MACROD2: variants seen among roughly 807,000 people sequenced by gnomAD.
The protein encoded by MACROD2 is mono-ADP ribosylhydrolase 2.
MACROD2 carries 36 observed loss-of-function variants against 70.4 expected under a neutral mutation model. The ratio of observed to expected loss-of-function variants is 0.51; its 90% CI spans 0.39 to 0.68. MACROD2 has a LOEUF of 0.68. MACROD2 is among the 30% of genes least tolerant of loss of function. The pLI, the probability that MACROD2 is intolerant of heterozygous loss-of-function variation, is 0.00. For missense variants in MACROD2, 496 were observed against 538.4 expected (o/e 0.92, Z 0.78); for synonymous variants, 172 against 178.8 (o/e 0.96, Z 0.30).
rs1172389722 is a variant in MACROD2 at position 15,137,314 on chromosome 20, G to A, written c.419-92626G>A. 2.0e-5 allele frequency among the ~76,000 whole-genome samples: 3 copies of A among 152,056 alleles called. No individual in the cohort carries two copies. The South Asian group carries it at 6.2e-4, about 32-fold the overall frequency. ...GCAAAGACTTGGAACCAACCCAGAT[G>A]TCCAACAATGATAGACTGCATTAAG... On this transcript the variant is annotated intron_variant, in intron 5 of 17. Coordinates refer to ENST00000684519, the MANE Select transcript of MACROD2 (RefSeq NM_001351661.2).
chr20:15,124,366 A>G (rs1205819430), intron 5 of MACROD2, among the ~76,000 whole-genome samples: 1 of 125,220 alleles, frequency 8.0e-6, no homozygotes, highest in Admixed American at 7.7e-5. Flanking sequence ...TTTTTTTTCT[A>G]AAAAAAAGGC....
intron 8 of MACROD2, among the ~76,000 whole-genome samples, chr20:15,769,438 C>A (rs1290295365): frequency 1.3e-5 from 2 of 152,188 alleles, no homozygotes. Context: ...TGAGCCACCA[C>A]GCCCCACCTA....
chr20:14,772,177 C>G (rs943091607), intron 5 of MACROD2, among the ~76,000 whole-genome samples: 2 of 152,070 alleles, frequency 1.3e-5, no homozygotes, highest in Admixed American at 1.3e-4. Flanking sequence ...TTTTCCCCCT[C>G]TACCATTTTT....
intron 15 of MACROD2, among the ~76,000 whole-genome samples, chr20:16,004,911 T>C (rs935055822): frequency 1.3e-5 from 2 of 152,158 alleles, no homozygotes; most frequent in Admixed American, 6.5e-5. Flanking sequence ...TTAAACAGAT[T>C]ATATAAAAAG....
At chr20:14,268,109 A>G (rs972373230) in intron 3 of MACROD2, among the ~76,000 whole-genome samples, 3 of 152,106 alleles carry the variant, frequency 2.0e-5, no homozygotes, top group African/African-American at 7.2e-5. Context: ...AAGATTGCAT[A>G]AGATTTGTCC....
At position 15,348,162 on chromosome 20, in the gene MACROD2, A is replaced by G. The variant is rs894988137; in HGVS notation, c.541-83243A>G. Among the ~76,000 whole-genome samples the G allele has an allele frequency of 3.9e-5, 6 of 152,198 alleles. No homozygotes were observed. The South Asian group carries it at 1.2e-3, about 32-fold the overall frequency. On this transcript the variant is annotated intron_variant, in intron 6 of 17. Transcript: ENST00000684519. ...CCATGAGAACCTGACTCCATGGTCC[A>G]CCATGCTTCTCCTCTCCTATTAGGC...
intron 4 of MACROD2, among the ~76,000 whole-genome samples, chr20:14,563,754 T>A (rs1979595779): frequency 6.6e-6 from 1 of 151,974 alleles, no homozygotes; most frequent in African/African-American, 2.4e-5. Flanking sequence ...AGCTATATAG[T>A]GCAGTATCAC....
At chr20:15,329,312 T>G (rs543405754) in intron 6 of MACROD2, among the ~76,000 whole-genome samples, 36 of 152,234 alleles carry the variant, frequency 2.4e-4, no homozygotes, top group Non-Finnish European at 4.7e-4. Flanking sequence ...GAGAGTGGTG[T>G]ATCTGTAGGT....
At chr20:14,955,339 T>C (rs2074526820) in intron 5 of MACROD2, among the ~76,000 whole-genome samples, 1 of 145,746 alleles carries the variant, frequency 6.9e-6, no homozygotes, top group Admixed American at 7.1e-5. Flanking sequence ...ATATACTATA[T>C]AATTTTTATT....
At chr20:15,926,035 A>G (rs1297904091) in intron 10 of MACROD2, among the ~76,000 whole-genome samples, 2 of 152,206 alleles carry the variant, frequency 1.3e-5, no homozygotes, top group African/African-American at 4.8e-5. Flanking sequence ...CCACCTTCCC[A>G]GAAGGCTGTA....
chr20:14,404,149 G>C (rs2083667404), intron 3 of MACROD2, among the ~76,000 whole-genome samples: 2 of 152,060 alleles, frequency 1.3e-5, no homozygotes, highest in Non-Finnish European at 2.9e-5. Flanking sequence ...GAGAAAGATA[G>C]AGACACAACA....
At chr20:14,098,347 G>T (rs1455464060) in intron 3 of MACROD2, among the ~76,000 whole-genome samples, 3 of 152,120 alleles carry the variant, frequency 2.0e-5, no homozygotes, top group Non-Finnish European at 4.4e-5. Context: ...TAAAAGCCAA[G>T]TTTTTATGAC....
chr20:14,468,539 G>A lies in MACROD2; in HGVS notation c.272-24940G>A, dbSNP rs549579109. Among the ~76,000 whole-genome samples, 98 of 148,920 alleles carry A rather than the reference G, an allele frequency of 6.6e-4. 1 individual carries two copies. Among genetic ancestry groups the A allele is most frequent in the Admixed American group, 1.5e-3 (22 of 14,938 alleles). On this transcript the variant is annotated intron_variant, in intron 3 of 17. Transcript: ENST00000684519. ...TTTGGGGGGGGGCGTTGGGGGCACC[G>A]TCTCACTCTGTCACCGAGGCTGGAG...
intron 3 of MACROD2, among the ~76,000 whole-genome samples, chr20:14,414,732 A>G (rs2083785323): frequency 6.6e-6 from 1 of 152,050 alleles, no homozygotes; most frequent in Admixed American, 6.6e-5. Flanking sequence ...CAAACAACAC[A>G]CAAGCCTCGA....
At chr20:15,400,780 CTATCAAACCATG>C (rs2045918083) in intron 6 of MACROD2, among the ~76,000 whole-genome samples, 1 of 152,180 alleles carries the variant, frequency 6.6e-6, no homozygotes, top group African/African-American at 2.4e-5. Flanking sequence ...TGAGCATGCC[CTATCAAACCATG>C]AGAGCTTTGG....
intron 5 of MACROD2, among the ~76,000 whole-genome samples, chr20:15,213,368 A>G (rs1469696514): frequency 6.6e-6 from 1 of 152,122 alleles, no homozygotes; most frequent in African/African-American, 2.4e-5. Context: ...ATTACTCAGT[A>G]TAAATAATCA....
intron 6 of MACROD2, among the ~76,000 whole-genome samples, chr20:15,258,627 C>A (rs1225751722): frequency 6.6e-6 from 1 of 151,984 alleles, no homozygotes; most frequent in Admixed American, 6.6e-5. Context: ...GATGTTCACA[C>A]GATGGTGAAA....
chr20:15,881,113 C>T (rs1357168375), intron 9 of MACROD2, among the ~76,000 whole-genome samples: 1 of 152,040 alleles, frequency 6.6e-6, no homozygotes, highest in Non-Finnish European at 1.5e-5. Flanking sequence ...GTAATGGGTA[C>T]ACAAGGTAGA....
intron 3 of MACROD2, among the ~76,000 whole-genome samples, chr20:14,287,048 G>A (rs6135111): frequency 1.1e-4 from 17 of 152,082 alleles, no homozygotes; most frequent in Non-Finnish European, 2.2e-4. Flanking sequence ...TTGAGTGATA[G>A]GTCTGTTTTC....
Sources: gnomAD v4.1 joint callset for allele counts (sites outside exome capture counted in the v4.1 genomes callset) on GRCh38, gnomAD v4.1.1 for gene constraint, MANE v1.5 for transcripts, NCBI Gene and HGNC (gene_info 2026-07-23, HGNC 2026-07-21) for gene names.